The following SIPA1L3 variants were observed in gnomAD, a reference collection of about 807,000 sequenced individuals.
SIPA1L3 encodes signal induced proliferation associated 1 like 3, also known as signal-induced proliferation-associated 1-like protein 3.
A neutral mutation model predicts 150.1 loss-of-function variants in SIPA1L3; 59 were observed. The ratio of observed to expected loss-of-function variants is 0.39; its 90% CI spans 0.32 to 0.49. The LOEUF is 0.49. Among genes scored for constraint, SIPA1L3 ranks in the 20% least tolerant of loss-of-function variants. The pLI, the probability that SIPA1L3 is intolerant of heterozygous loss-of-function variation, is 0.86. For missense variants in SIPA1L3, 2,211 were observed against 2,489.5 expected (o/e 0.89, Z 2.38); for synonymous variants, 1,070 against 1,077.6 (o/e 0.99, Z 0.14).
At chr19:38,042,036 A>G (rs1968937821) in intron 2 of SIPA1L3, among the ~76,000 whole-genome samples, 1 of 152,222 alleles carries the variant, frequency 6.6e-6, no homozygotes, top group Non-Finnish European at 1.5e-5. Flanking sequence ...TTTGCTGTGC[A>G]GAAGCTTTTT....
intron 6 of SIPA1L3, among the ~76,000 whole-genome samples, chr19:38,104,243 T>C (rs1970570592): frequency 6.6e-6 from 1 of 152,240 alleles, no homozygotes; most frequent in Non-Finnish European, 1.5e-5. Flanking sequence ...CACCTTCCCC[T>C]GCTCCTCCGC....
chr19:38,015,721 TAAAAAAAAAA>T (rs59452393), intron 1 of SIPA1L3, among the ~76,000 whole-genome samples: 2 of 102,166 alleles, frequency 2.0e-5, no homozygotes, highest in East Asian at 3.5e-4. Context: ...AAGATCCTGT[TAAAAAAAAAA>T]AAAAAAAAAA....
intron 18 of SIPA1L3, among the ~76,000 whole-genome samples, chr19:38,195,409 C>T (rs905017448): frequency 6.6e-6 from 1 of 152,182 alleles, no homozygotes. Flanking sequence ...CTGCTGTGGG[C>T]GGGGCTCTGC....
At chr19:38,026,034 G>A (rs1235971697) in intron 1 of SIPA1L3, among the ~76,000 whole-genome samples, 2 of 152,196 alleles carry the variant, frequency 1.3e-5, no homozygotes, top group South Asian at 4.1e-4. Flanking sequence ...TTAGTTGAGA[G>A]TCATTTGGTT....
intron 9 of SIPA1L3, among the ~76,000 whole-genome samples, chr19:38,129,482 G>A (rs909852311): frequency 4.6e-5 from 7 of 152,150 alleles, no homozygotes; most frequent in African/African-American, 1.4e-4. Context: ...AAAACTAGCC[G>A]GGCATGGTGG....
In SIPA1L3 at chr19:38,152,849, T is replaced by C; in HGVS notation, c.3543T>C (p.Ala1181=). The change falls in exon 13 of 22, where the codon GCT becomes GCC. Residue 1181 remains alanine, a synonymous_variant. Transcript: ENST00000222345. ...TTCTCATCCCCTGCAGGTACACGGC[T>C]GCCCCACACCCCCTGCTATCTCTTG... ...RYKPSPERYT[A]APHPLLSLDP... The C allele has an allele frequency of 1.2e-6, 2 of 1,611,564 alleles. No homozygotes were observed. The highest frequency in any genetic ancestry group is 1.1e-5 in the South Asian group (1 of 90,424).
rs1246939236 is a variant in SIPA1L3, at chr19:38,081,980, C to T, written c.415C>T (p.His139Tyr). ...TPASSGSKAF[H>Y]RLSRRRSKDV... Reference sequence around the variant, plus strand: ...GGCTTCCTCAGGGTCCAAAGCCTTCCACCGACTCTCCAGGAGAAGGTCCAA... The same window carrying T: ...GGCTTCCTCAGGGTCCAAAGCCTTCTACCGACTCTCCAGGAGAAGGTCCAA... Residue 139 changes from histidine (H) to tyrosine (Y), a missense_variant, in exon 3 of 22, where the codon CAC (histidine) becomes TAC (tyrosine). His to Tyr is a moderately conservative substitution (Grantham distance 83). This residue lies in a region of SIPA1L3 where 587 missense variants were observed against 534.5 expected (regional missense o/e 1.10). Transcript: ENST00000222345. 10 of 1,614,212 alleles carry T rather than the reference C, an allele frequency of 6.2e-6. No homozygotes were observed. The highest frequency in any genetic ancestry group is 3.3e-4 in the Middle Eastern group (2 of 6,062).
intron 1 of SIPA1L3, among the ~76,000 whole-genome samples, chr19:38,026,579 G>A (rs563522966): frequency 1.7e-4 from 26 of 152,274 alleles, no homozygotes; most frequent in Non-Finnish European, 2.8e-4. Flanking sequence ...CAAAGCAACC[G>A]ACGCCTGGAA....
At chr19:38,190,226 C>G (rs2146040226) in intron 16 of SIPA1L3, among the ~76,000 whole-genome samples, 1 of 151,964 alleles carries the variant, frequency 6.6e-6, no homozygotes, top group Admixed American at 6.5e-5. Context: ...AAGGCCAGGC[C>G]TGCTTCCTCA....
intron 1 of SIPA1L3, among the ~76,000 whole-genome samples, chr19:37,922,284 C>T (rs946724595): frequency 1.8e-4 from 27 of 151,656 alleles, no homozygotes; most frequent in Admixed American, 3.9e-4. Flanking sequence ...GACGGGGTTT[C>T]GCCATGTTAA....
At chr19:38,147,831 G>A (rs1039649403) in intron 12 of SIPA1L3, among the ~76,000 whole-genome samples, 4 of 152,152 alleles carry the variant, frequency 2.6e-5, no homozygotes, top group African/African-American at 9.7e-5. Context: ...CTACAGCTCA[G>A]TGAGGTGAAT....
At chr19:37,964,028 A>G (rs2046881720) in intron 1 of SIPA1L3, 1 of 152,168 alleles carries the variant, frequency 6.6e-6, no homozygotes, top group African/African-American at 2.4e-5. Context: ...TATTTTGTTT[A>G]TATTCTGACT....
At chr19:38,168,763 G>A (rs1972261675) in intron 15 of SIPA1L3, among the ~76,000 whole-genome samples, 1 of 152,212 alleles carries the variant, frequency 6.6e-6, no homozygotes. Flanking sequence ...GCAATGAAAT[G>A]GGAGAGGAGC....
intron 1 of SIPA1L3, among the ~76,000 whole-genome samples, chr19:37,959,379 A>G (rs931444106): frequency 2.0e-5 from 3 of 152,210 alleles, no homozygotes; most frequent in African/African-American, 4.8e-5. Context: ...TACAACATGG[A>G]TGAACCCTGA....
chr19:37,974,528 A>T (rs909062534), intron 1 of SIPA1L3, among the ~76,000 whole-genome samples: 30 of 150,534 alleles, frequency 2.0e-4, no homozygotes, highest in African/African-American at 7.1e-4. Context: ...AAAAAAAAAA[A>T]AGTATTGATT....
chr19:37,930,158 G>A (rs1599805809), intron 1 of SIPA1L3, among the ~76,000 whole-genome samples: 1 of 151,910 alleles, frequency 6.6e-6, no homozygotes, highest in South Asian at 2.1e-4. Flanking sequence ...CCGAGTAGCT[G>A]GGACTACGGG....
At chr19:38,049,854 C>T (rs1969150014) in intron 2 of SIPA1L3, among the ~76,000 whole-genome samples, 1 of 151,958 alleles carries the variant, frequency 6.6e-6, no homozygotes, top group African/African-American at 2.4e-5. Context: ...TTCACCAATC[C>T]GAAGGGTGTC....
intron 1 of SIPA1L3, among the ~76,000 whole-genome samples, chr19:38,005,759 G>A (rs956570219): frequency 3.9e-5 from 6 of 152,234 alleles, no homozygotes; most frequent in African/African-American, 9.6e-5. Context: ...AAGGGAAAGC[G>A]GAGCACAGTG....
intron 2 of SIPA1L3, among the ~76,000 whole-genome samples, chr19:38,029,388 A>C (rs567144272): frequency 3.3e-5 from 5 of 152,000 alleles, no homozygotes; most frequent in Admixed American, 6.5e-5. Flanking sequence ...ACATATACAC[A>C]CTTATTTTGG....
Sources: gnomAD v4.1 joint callset for allele counts (sites outside exome capture counted in the v4.1 genomes callset) on GRCh38, gnomAD v4.1.1 for gene constraint, gnomAD v4.1.1 regional missense constraint, MANE v1.5 for transcripts, NCBI Gene and HGNC (gene_info 2026-07-23, HGNC 2026-07-21) for gene names.